The following TTC6 variants were observed in gnomAD, a reference collection of about 807,000 sequenced individuals.
The protein encoded by TTC6 is tetratricopeptide repeat protein 6.
TTC6 carries 172 observed loss-of-function variants against 210.4 expected under a neutral mutation model. The observed-to-expected ratio is 0.82, with a 90% CI of 0.72 to 0.93. TTC6 has a LOEUF of 0.93. TTC6 is among the 40% of genes least tolerant of loss of function. The probability of loss-of-function intolerance (pLI) is 0.00; values close to 1 mark genes in which losing one functional copy is unlikely to be tolerated. For missense variants in TTC6, 2,414 were observed against 2,318.1 expected, an observed-to-expected ratio of 1.04 and a Z score of -0.85; for synonymous variants, 804 against 819.6, an observed-to-expected ratio of 0.98 and a Z score of 0.32.
intron 26 of TTC6, among the ~76,000 whole-genome samples, chr14:37,818,734 AC>A (rs984778315): frequency 6.6e-6 from 1 of 152,042 alleles, no homozygotes; most frequent in African/African-American, 2.4e-5. Context: ...CTGGTCTCAG[AC>A]CTTTCATTTT....
intron 1 of TTC6, among the ~76,000 whole-genome samples, chr14:37,624,097 G>T (rs1432462673): frequency 6.6e-6 from 1 of 152,114 alleles, no homozygotes; most frequent in East Asian, 1.9e-4. Flanking sequence ...TACACTCTTG[G>T]CTGTGATTTA....
rs113000716 is a variant in TTC6 at position 37,676,125 on chromosome 14, AG to A, written c.940-4024del. Among the ~76,000 whole-genome samples the A allele has an allele frequency of 3.3e-3, 503 of 152,186 alleles. 8 individuals are homozygous for A. The highest frequency in any genetic ancestry group is 0.011 in the African/African-American group (450 of 41,568). ...TGATATTAATGACGGTGATTCTGAG[AG>A]GAAAAAACTTGCTTTTCTTGTATGG... On this transcript the variant is annotated intron_variant, in intron 1 of 30. Coordinates refer to ENST00000553443, the Ensembl canonical transcript of TTC6.
chr14:37,618,750 G>A (rs2095646650), upstream of TTC6, among the ~76,000 whole-genome samples: 1 of 152,146 alleles, frequency 6.6e-6, no homozygotes, highest in African/African-American at 2.4e-5. Flanking sequence ...TTTCCTGTTG[G>A]TTTAATTTTA....
intron 7 of TTC6, among the ~76,000 whole-genome samples, chr14:37,727,798 A>T (rs1288104651): frequency 1.3e-5 from 2 of 152,072 alleles, no homozygotes; most frequent in South Asian, 4.1e-4. Context: ...AACATTTTTT[A>T]AAAACTCGTT....
intron 29 of TTC6, among the ~76,000 whole-genome samples, chr14:37,839,641 C>G (rs1235793305): frequency 6.6e-6 from 1 of 152,162 alleles, no homozygotes; most frequent in South Asian, 2.1e-4. Context: ...TGAAGACACT[C>G]TTTAGTTTAA....
intron 1 of TTC6, among the ~76,000 whole-genome samples, chr14:37,638,564 T>A (rs2095685428): frequency 1.3e-5 from 2 of 151,616 alleles, no homozygotes; most frequent in South Asian, 4.2e-4. Flanking sequence ...CTATATAATA[T>A]TCTTCAAATG....
exon 23 of TTC6, chr14:37,807,430 C>A (rs1335968351): frequency 5.3e-6 from 8 of 1,516,196 alleles, no homozygotes; most frequent in Non-Finnish European, 7.1e-6. Context: ...GTGCCTATCT[C>A]TACAGAGGAG....
intron 3 of TTC6, among the ~76,000 whole-genome samples, chr14:37,691,699 A>G (rs747079207): frequency 1.3e-5 from 2 of 152,184 alleles, no homozygotes; most frequent in Non-Finnish European, 2.9e-5. Context: ...GTCAGAGCAG[A>G]AATAAACTGA....
intron 4 of TTC6, 22 bp downstream of exon 6, chr14:37,696,857 T>A (rs1379383583): frequency 8.9e-7 from 1 of 1,119,596 alleles, no homozygotes; most frequent in East Asian, 3.0e-5. Context: ...AAATTTATAA[T>A]TTTTCTATTG....
At chr14:37,701,521 A>C in exon 5 of TTC6, 1 of 1,454,898 alleles carries the variant, frequency 6.9e-7, no homozygotes, top group Non-Finnish European at 9.0e-7. Flanking sequence ...AAGAACAAAC[A>C]GATAGGTAAG....
intron 1 of TTC6, among the ~76,000 whole-genome samples, chr14:37,665,906 C>T (rs1442437726): frequency 6.6e-6 from 1 of 150,552 alleles, no homozygotes. Flanking sequence ...AGCTTGTCCT[C>T]TCATGCACAC....
At chr14:37,682,792 G>T (rs1029614232) in exon 3 of TTC6, 11 of 1,535,582 alleles carry the variant, frequency 7.2e-6, no homozygotes, top group Non-Finnish European at 9.6e-6. Flanking sequence ...ACCATGTCAA[G>T]TATTCTCCAG....
chr14:37,808,543 A>C (rs1467532178), intron 23 of TTC6, among the ~76,000 whole-genome samples, 190 bp from the exon 26 acceptor site: 1 of 152,210 alleles, frequency 6.6e-6, no homozygotes, highest in Non-Finnish European at 1.5e-5. Flanking sequence ...CTATAATGAT[A>C]ATTTCTACCA....
At chr14:37,786,158 G>T (rs548321230) in intron 14 of TTC6, among the ~76,000 whole-genome samples, 3 of 152,320 alleles carry the variant, frequency 2.0e-5, no homozygotes, top group South Asian at 4.1e-4. Context: ...AAAGCTGTCA[G>T]ACAGGGACGT....
chr14:37,633,786 A>T (rs900265041), intron 1 of TTC6, among the ~76,000 whole-genome samples: 1 of 151,928 alleles, frequency 6.6e-6, no homozygotes, highest in Non-Finnish European at 1.5e-5. Flanking sequence ...GTAATGAGAC[A>T]CTCCTATTCT....
At chr14:37,818,922 T>TA (rs565043559) in intron 26 of TTC6, among the ~76,000 whole-genome samples, 40 of 152,290 alleles carry the variant, frequency 2.6e-4, no homozygotes, top group African/African-American at 9.4e-4. Flanking sequence ...CTGTTAAAAC[T>TA]AAAAACAGGC....
intron 1 of TTC6, among the ~76,000 whole-genome samples, chr14:37,601,860 C>T (rs2095616185): frequency 6.6e-6 from 1 of 152,184 alleles, no homozygotes; most frequent in African/African-American, 2.4e-5. Flanking sequence ...TGTAGAAAGG[C>T]AGCATCCACA....
chr14:37,689,298 A>G (rs1004840065), intron 3 of TTC6, among the ~76,000 whole-genome samples: 2 of 152,088 alleles, frequency 1.3e-5, no homozygotes, highest in African/African-American at 4.8e-5. Flanking sequence ...ATAAAACACA[A>G]TGAAGCATAC....
chr14:37,668,718 G>A (rs1402915732), intron 1 of TTC6, among the ~76,000 whole-genome samples: 1 of 152,168 alleles, frequency 6.6e-6, no homozygotes, highest in East Asian at 1.9e-4. Context: ...CATGGCAAAA[G>A]GTGTGGACAG....
Sources: allele counts gnomAD v4.1 joint callset (sites outside exome capture counted in the v4.1 genomes callset), GRCh38; gene constraint gnomAD v4.1.1; transcripts MANE v1.5; gene names NCBI Gene and HGNC (gene_info 2026-07-23, HGNC 2026-07-21).